AHDC1: variants seen among roughly 807,000 people sequenced by gnomAD.
AHDC1 encodes the protein transcription factor Gibbin.
AHDC1 carries 7 observed loss-of-function variants against 87.9 expected under a neutral mutation model. The ratio of observed to expected loss-of-function variants is 0.08; its 90% CI spans 0.05 to 0.15. AHDC1 has a LOEUF of 0.15. Ranked by LOEUF, AHDC1 falls within the 10% of genes least tolerant of loss-of-function variation. AHDC1 has a pLI of 1.00. For synonymous variants in AHDC1, 1,051 were observed against 1,006.8 expected (o/e 1.04, Z -0.83); for missense variants, 1,841 against 2,253.2 (o/e 0.82, Z 3.70).
chr1:27,560,570 T>C lies in AHDC1; in HGVS notation c.-628-1687A>G, dbSNP rs1266734140. Among the ~76,000 whole-genome samples the C allele has an allele frequency of 6.6e-6, 1 of 152,116 alleles. No individual in the cohort carries two copies. The highest frequency in any genetic ancestry group is 1.5e-5 in the Non-Finnish European group (1 of 68,004). The stretch of plus-strand genomic sequence containing the variant: ...GGTTTTCAGGGTCATGGTGTGGCAG[T>C]GTGACTGGCCACAGTGTCCCTGTGG... On this transcript the variant is annotated intron_variant, in intron 3 of 8. Transcript: ENST00000673934. The surrounding 1 kb of genome is among the most constrained non-coding windows in gnomAD (Gnocchi z 4.1).
At chr1:27,583,759 A>C (rs893488412) in intron 3 of AHDC1, among the ~76,000 whole-genome samples, 1 of 152,080 alleles carries the variant, frequency 6.6e-6, no homozygotes, top group Non-Finnish European at 1.5e-5. Flanking sequence ...ACCTCTTTGA[A>C]CCCGATTCCT....
rs937965193 is a variant in AHDC1, at chr1:27,565,685, A to G, written c.-628-6802T>C. On this transcript the variant is annotated intron_variant, in intron 3 of 8. Transcript: ENST00000673934. The surrounding 1 kb of genome is among the most constrained non-coding windows in gnomAD (Gnocchi z 4.6). ...GACATGAAGCAAGGATAGTATCCCTATACCATCTGGGGAAACTGAGGCACA... is the reference window on the plus strand; with the variant it reads ...GACATGAAGCAAGGATAGTATCCCTGTACCATCTGGGGAAACTGAGGCACA... Among the ~76,000 whole-genome samples, 2 of 152,194 alleles carry G rather than the reference A, an allele frequency of 1.3e-5. No homozygotes were observed. Among genetic ancestry groups the G allele is most frequent in the African/African-American group, 4.8e-5 (2 of 41,452 alleles).
At position 27,547,741 on chromosome 1, in the gene AHDC1, G is replaced by A. The variant is rs759334120; in HGVS notation, c.4375C>T (p.Pro1459Ser). The change falls in exon 8 of 9, where the codon CCC becomes TCC. Residue 1459 changes from proline (P) to serine (S), a missense_variant. Coordinates refer to ENST00000673934, the MANE Select transcript of AHDC1 (RefSeq NM_001371928.1). The surrounding 1 kb of genome is among the most constrained non-coding windows in gnomAD (Gnocchi z 4.9). The stretch of plus-strand genomic sequence containing the variant: ...CAATAGGCTGTGCCCTTGCAGCTGG[G>A]GGAATCGTAGTGGGGCTGGCCCAGC... ...LPLGQPHYDS[P>S]SCKGTAYWYP... The A allele has an allele frequency of 1.3e-6, 2 of 1,592,652 alleles. No individual in the cohort carries two copies. Among genetic ancestry groups the A allele is most frequent in the Middle Eastern group, 2.0e-4 (1 of 5,036 alleles).
Position 27,553,145 on chromosome 1 carries a change from C to G in AHDC1, c.-184G>C, listed in dbSNP as rs2019653800. 6.5e-6 allele frequency: 1 copy of G among 152,678 alleles called. No homozygotes were observed. Among genetic ancestry groups the G allele is most frequent in the African/African-American group, 2.4e-5 (1 of 41,468 alleles). 9.5% of individuals were successfully genotyped at this position (152,678 alleles called of 1,614,324 possible). On this transcript the variant is annotated 5_prime_UTR_variant, in exon 6 of 9. Coordinates refer to ENST00000673934, the MANE Select transcript of AHDC1 (RefSeq NM_001371928.1). ...GCTGTCAGCTGGGGGTGCTGTGGAG[C>G]AACTTCGGCCTGAGCCCAGGCCTCG...
chr1:27,568,787 C>G (rs959541111), intron 3 of AHDC1, among the ~76,000 whole-genome samples: 2 of 151,940 alleles, frequency 1.3e-5, no homozygotes, highest in Non-Finnish European at 1.5e-5. Flanking sequence ...GGCCGGGGCG[C>G]TCTTCGTGGG....
chr1:27,602,872 T>A (rs1401700134), intron 3 of AHDC1, among the ~76,000 whole-genome samples: 1 of 149,602 alleles, frequency 6.7e-6, no homozygotes, highest in Non-Finnish European at 1.5e-5. Flanking sequence ...AGCCAGTGGA[T>A]CCTAGGGATT....
rs747339496 is a variant in AHDC1 at position 27,549,202 on chromosome 1, C to T, written c.2914G>A (p.Gly972Ser). Residue 972 changes from glycine to serine, a missense_variant, in exon 8 of 9, where the codon GGC becomes AGC. Around this residue, in one of 13 missense-constraint regions of AHDC1, gnomAD observed 378 missense variants for 399.0 expected, o/e 0.95. Coordinates refer to ENST00000673934, the MANE Select transcript of AHDC1 (RefSeq NM_001371928.1). ...PPANTYLPQY[G>S]GYGAGQSVFA... ...ACGCTTTGTCCGGCCCCATAGCCGC[C>T]GTACTGGGGCAGGTAGGTGTTGGCA... 4.4e-6 allele frequency: 7 copies of T among 1,597,688 alleles called. No individual in the cohort carries two copies. Among genetic ancestry groups the T allele is most frequent in the Admixed American group, 3.4e-5 (2 of 59,530 alleles).
rs1274040785 is a variant in AHDC1, at chr1:27,548,830, G to T, written c.3286C>A (p.Pro1096Thr). 1.9e-6 allele frequency: 3 copies of T among 1,612,944 alleles called. No homozygotes were observed. The highest frequency in any genetic ancestry group is 2.5e-6 in the Non-Finnish European group (3 of 1,179,974). Residue 1096 changes from proline (P) to threonine (T), a missense_variant, in exon 8 of 9, where the codon CCC (proline) becomes ACC (threonine). By Grantham distance (38) the Pro-to-Thr change is conservative. Around this residue, in one of 13 missense-constraint regions of AHDC1, gnomAD observed 378 missense variants for 399.0 expected, o/e 0.95. Coordinates refer to ENST00000673934, the MANE Select transcript of AHDC1 (RefSeq NM_001371928.1). ...SSSSSSFQPS[P>T]ENCRQFAGAS... ...CCCGCAAACTGCCGACAGTTCTCGG[G>T]CGAGGGCTGGAAGGAGGAGGAGGAG... is the stretch of plus-strand genomic sequence containing the variant.
intron 3 of AHDC1, among the ~76,000 whole-genome samples, chr1:27,599,081 G>A (rs987659618): frequency 3.9e-5 from 6 of 152,204 alleles, no homozygotes; most frequent in Middle Eastern, 3.2e-3. Flanking sequence ...TCATAAATGA[G>A]GAAAGAAGAA....
In AHDC1 at chr1:27,563,867, C is replaced by G. The variant is rs1485524380; in HGVS notation, c.-628-4984G>C. ...CACCTCCCCCAGCCCTCACTCCACT[C>G]CATTTCTTATTCACTGTAGTTGTGT... On this transcript the variant is annotated intron_variant, in intron 3 of 8. Transcript: ENST00000673934. The surrounding 1 kb of genome is among the most constrained non-coding windows in gnomAD (Gnocchi z 6.1). 6.6e-6 allele frequency among the ~76,000 whole-genome samples: 1 copy of G among 152,172 alleles called. No homozygotes were observed. The highest frequency in any genetic ancestry group is 1.9e-4 in the East Asian group (1 of 5,198).
At chr1:27,545,762 T>C (rs1310036349) in intron 8 of AHDC1, among the ~76,000 whole-genome samples, 2 of 151,682 alleles carry the variant, frequency 1.3e-5, no homozygotes, top group Non-Finnish European at 2.9e-5. Context: ...AAAAAAAAGT[T>C]TGCTTCATTG....
chr1:27,550,090 C>T lies in AHDC1; in HGVS notation c.2026G>A (p.Gly676Ser). The T allele has an allele frequency of 1.9e-6, 3 of 1,609,846 alleles. No individual in the cohort carries two copies. Among genetic ancestry groups the T allele is most frequent in the Non-Finnish European group, 2.5e-6 (3 of 1,178,768 alleles). ...GCCGCATGGCCCCCACCCCGGCCAC[C>T]AAAACCGCCTGCTTTGCCCCCACGC... ...RRRGGKAGGF[G>S]GRGGGHAAKS... Residue 676 changes from glycine to serine, a missense_variant, in exon 8 of 9, where the codon GGT (glycine) becomes AGT (serine). This residue lies in a region of AHDC1 where 236 missense variants were observed against 257.9 expected (regional missense o/e 0.92). Transcript: ENST00000673934.
rs1294313698 is a variant in AHDC1 at position 27,551,488 on chromosome 1, G to A, written c.628C>T (p.Pro210Ser). The change falls in exon 8 of 9, where the codon CCT becomes TCT. Residue 210 changes from proline (P) to serine (S), a missense_variant. By Grantham distance (74) the Pro-to-Ser change is moderately conservative. Around this residue, in one of 13 missense-constraint regions of AHDC1, gnomAD observed 370 missense variants for 391.5 expected, o/e 0.95. Coordinates refer to ENST00000673934, the MANE Select transcript of AHDC1 (RefSeq NM_001371928.1). ...PEPEPRDSPQ[P>S]GQGHSPGATA... Reference sequence around the variant, plus strand: ...GCTCCGGGACTATGGCCTTGGCCAGGCTGGGGACTGTCCCTAGGCTCAGGC... The same window carrying A: ...GCTCCGGGACTATGGCCTTGGCCAGACTGGGGACTGTCCCTAGGCTCAGGC... 6.2e-7 allele frequency: 1 copy of A among 1,607,556 alleles called. No individual in the cohort carries two copies. Among genetic ancestry groups the A allele is most frequent in the Admixed American group, 1.7e-5 (1 of 59,872 alleles).
chr1:27,596,860 CCCACACACT>C (rs1457698379), intron 3 of AHDC1, among the ~76,000 whole-genome samples: 3 of 152,076 alleles, frequency 2.0e-5, no homozygotes, highest in Non-Finnish European at 4.4e-5. Flanking sequence ...CACACACACA[CCCACACACT>C]CCACACACCT....
rs182561653 is a variant in AHDC1, at chr1:27,592,577, C to G, written c.-629+10820G>C. On this transcript the variant is annotated intron_variant, in intron 3 of 8. Transcript: ENST00000673934. ...CTTTCCCAAACATCCCCCGCCCTCC[C>G]CCCCCCAGGCCCTGCTCTTAGCTGA... is the stretch of plus-strand genomic sequence containing the variant. Among the ~76,000 whole-genome samples the G allele has an allele frequency of 2.0e-5, 3 of 151,980 alleles. 1 individual carries two copies. The highest frequency in any genetic ancestry group is 4.2e-4 in the South Asian group (2 of 4,778).
intron 5 of AHDC1, among the ~76,000 whole-genome samples, chr1:27,556,960 T>C (rs944988325): frequency 4.7e-5 from 7 of 147,882 alleles, no homozygotes; most frequent in Admixed American, 1.4e-4. Flanking sequence ...GAGCTGGCCC[T>C]GCCCCGCCCC....
At chr1:27,553,613 A>G (rs1300120255) in intron 5 of AHDC1, 1 of 152,208 alleles carries the variant, frequency 6.6e-6, no homozygotes, top group African/African-American at 2.4e-5. Context: ...AATTCCCCAG[A>G]CAAACATGAG....
chr1:27,604,190 G>A (rs1160046030), upstream of AHDC1: 1 of 152,204 alleles, frequency 6.6e-6, no homozygotes, highest in Non-Finnish European at 1.5e-5. Context: ...AACCCCAGGG[G>A]GGAGCGCGCG....
At chr1:27,577,403 C>T (rs2088786302) in intron 3 of AHDC1, among the ~76,000 whole-genome samples, 1 of 152,214 alleles carries the variant, frequency 6.6e-6, no homozygotes, top group Non-Finnish European at 1.5e-5. Context: ...GGACCAGAGT[C>T]CTAAGGACCA....
Sources: gnomAD v4.1 joint callset for allele counts (sites outside exome capture counted in the v4.1 genomes callset) on GRCh38, gnomAD v4.1.1 for gene constraint, gnomAD v4.1.1 regional missense constraint, Gnocchi (gnomAD v3.1) non-coding constraint, MANE v1.5 for transcripts, NCBI Gene and HGNC (gene_info 2026-07-23, HGNC 2026-07-21) for gene names.